Variants in MYO16 observed in about 807,000 individuals in gnomAD.
MYO16 encodes the protein myosin XVI.
In MYO16, 94 loss-of-function variants were observed where a neutral mutation model predicts 205.3. The observed-to-expected ratio is 0.46, with a 90% confidence interval of 0.39 to 0.54. The LOEUF is 0.54. Among genes scored for constraint, MYO16 ranks in the 20% least tolerant of loss-of-function variants. MYO16 has a pLI of 0.00. For missense variants in MYO16, 2,315 were observed against 2,387.5 expected (o/e 0.97, Z 0.63); for synonymous variants, 988 against 954.0 (o/e 1.04, Z -0.66).
In MYO16 at chr13:108,634,166, G is replaced by A. The variant is rs542556385; in HGVS notation, c.28+4294G>A. The stretch of plus-strand genomic sequence containing the variant: ...CAGCACTCTCCTGTACCCTCGTCTT[G>A]TTTCTACGGTAGGCACGACTGCTCA... On this transcript the variant is annotated intron_variant, in intron 1 of 34. Coordinates refer to ENST00000457511, the MANE Select transcript of MYO16 (RefSeq NM_001198950.3). 2.0e-5 allele frequency among the ~76,000 whole-genome samples: 3 copies of A among 152,234 alleles called. No individual in the cohort carries two copies. In the East Asian group the frequency reaches 5.8e-4, roughly 29 times the overall value.
chr13:108,558,114 A>G, the MYO16 span, among the ~76,000 whole-genome samples: 4 of 152,228 alleles, frequency 2.6e-5, no homozygotes, highest in Non-Finnish European at 4.4e-5. Flanking sequence ...ACAAAATTAA[A>G]TATCAATTTT....
At chr13:108,646,407 T>C (rs796466432) in intron 1 of MYO16, among the ~76,000 whole-genome samples, 5 of 152,322 alleles carry the variant, frequency 3.3e-5, no homozygotes, top group African/African-American at 9.6e-5. Context: ...GAAATTGTTG[T>C]ATTAAAGGGT....
chr13:108,608,114 A>T (rs1879029289), intron 1 of MYO16, among the ~76,000 whole-genome samples: 1 of 152,130 alleles, frequency 6.6e-6, no homozygotes, highest in Non-Finnish European at 1.5e-5. Context: ...AGTTTTGCAG[A>T]TTTCTGGAAA....
the MYO16 span, among the ~76,000 whole-genome samples, chr13:108,568,978 A>G: frequency 1.8e-3 from 269 of 151,978 alleles, no homozygotes; most frequent in Non-Finnish European, 3.1e-3. Context: ...TTGACCATAA[A>G]TGTGTTTATT....
At chr13:108,890,971 G>T (rs1237355042) in intron 14 of MYO16, among the ~76,000 whole-genome samples, 1 of 152,124 alleles carries the variant, frequency 6.6e-6, no homozygotes, top group Non-Finnish European at 1.5e-5. Context: ...CACTCCACAA[G>T]CATCTATTAA....
At chr13:108,510,355 G>A in the MYO16 span, among the ~76,000 whole-genome samples, 1 of 149,776 alleles carries the variant, frequency 6.7e-6, no homozygotes, top group Non-Finnish European at 1.5e-5. Flanking sequence ...CTGACCTTGT[G>A]ATCCATCCTC....
At chr13:108,746,530 A>G (rs895384504) in intron 4 of MYO16, among the ~76,000 whole-genome samples, 4 of 145,112 alleles carry the variant, frequency 2.8e-5, no homozygotes, top group African/African-American at 4.9e-5. Context: ...TAAGAATTAG[A>G]ATGTTTCTAG....
rs542613569 is a variant in MYO16 at position 109,092,835 on chromosome 13, G to A, written c.3336-7950G>A. Among the ~76,000 whole-genome samples the A allele has an allele frequency of 1.1e-4, 16 of 152,258 alleles. No homozygotes were observed. The South Asian group carries it at 3.3e-3, about 32-fold the overall frequency. On this transcript the variant is annotated intron_variant, in intron 27 of 34. Transcript: ENST00000457511. Reference sequence around the variant, plus strand: ...GTCAAAGTTCTGCTTTATACTGGAAGGAACAATCACTTTTGAAGAGAGAAC... The same window carrying A: ...GTCAAAGTTCTGCTTTATACTGGAAAGAACAATCACTTTTGAAGAGAGAAC...
chr13:108,805,484 T>A (rs1887085826), intron 6 of MYO16, among the ~76,000 whole-genome samples: 1 of 152,140 alleles, frequency 6.6e-6, no homozygotes, highest in Admixed American at 6.6e-5. Context: ...AAAAACACAA[T>A]GGAACAGAGC....
At chr13:109,177,499 G>T (rs1879256071) in intron 33 of MYO16, among the ~76,000 whole-genome samples, 2 of 151,938 alleles carry the variant, frequency 1.3e-5, no homozygotes, top group East Asian at 1.9e-4. Flanking sequence ...CTAATTTTAT[G>T]TATTTATTTA....
At position 108,848,650 on chromosome 13, in the gene MYO16, C is replaced by T. The variant is rs896613725; in HGVS notation, c.1248+4157C>T. On this transcript the variant is annotated intron_variant, in intron 10 of 34. Transcript: ENST00000457511. ...CCCCATCTCTACAAAATATTTAAAA[C>T]GTAGCAGGGTTTGGTGGCGCAGGGC... Among the ~76,000 whole-genome samples, 5 of 152,000 alleles carry T rather than the reference C, an allele frequency of 3.3e-5. No homozygotes were observed. The South Asian group carries it at 6.2e-4, about 19-fold the overall frequency.
intron 4 of MYO16, among the ~76,000 whole-genome samples, chr13:108,733,497 C>T (rs1346496032): frequency 6.6e-6 from 1 of 152,168 alleles, no homozygotes; most frequent in Admixed American, 6.5e-5. Context: ...AGAACTTGGA[C>T]CCCTGACCAC....
intron 27 of MYO16, among the ~76,000 whole-genome samples, chr13:109,088,263 C>T (rs1888503513): frequency 6.6e-6 from 1 of 152,196 alleles, no homozygotes. Context: ...GAAGCAAGTA[C>T]AAACCTGGCT....
chr13:108,925,248 G>A (rs544009903), intron 16 of MYO16, among the ~76,000 whole-genome samples: 2 of 152,238 alleles, frequency 1.3e-5, no homozygotes, highest in South Asian at 2.1e-4. Context: ...AAGTCATTGT[G>A]GTGTGTTTGC....
chr13:108,979,432 G>A (rs1038727588), intron 20 of MYO16, among the ~76,000 whole-genome samples: 2 of 151,998 alleles, frequency 1.3e-5, no homozygotes, highest in African/African-American at 4.8e-5. Context: ...AAAATAACAA[G>A]CAGTTTGTCA....
intron 24 of MYO16, among the ~76,000 whole-genome samples, chr13:109,047,781 A>G (rs1218635713): frequency 6.6e-6 from 1 of 152,096 alleles, no homozygotes; most frequent in Non-Finnish European, 1.5e-5. Context: ...TTTTCGTGAA[A>G]TAGTTGAATG....
At chr13:108,644,389 T>TATC (rs1263684592) in intron 1 of MYO16, among the ~76,000 whole-genome samples, 4 of 150,882 alleles carry the variant, frequency 2.7e-5, no homozygotes, top group African/African-American at 9.7e-5. Context: ...TCTATCTATC[T>TATC]ATCTATCTAT....
intron 16 of MYO16, among the ~76,000 whole-genome samples, chr13:108,941,813 G>C (rs1203796135): frequency 6.6e-6 from 1 of 151,950 alleles, no homozygotes; most frequent in African/African-American, 2.4e-5. Flanking sequence ...CAAGAGAAAT[G>C]CTCTTTCGTG....
intron 34 of MYO16, among the ~76,000 whole-genome samples, chr13:109,185,692 GC>G (rs1295361648): frequency 1.3e-5 from 2 of 152,144 alleles, no homozygotes; most frequent in Non-Finnish European, 2.9e-5. Flanking sequence ...TTACTTTAGA[GC>G]TACATTTTTG....
Sources: gnomAD v4.1 joint callset for allele counts (sites outside exome capture counted in the v4.1 genomes callset) on GRCh38, gnomAD v4.1.1 for gene constraint, MANE v1.5 for transcripts, NCBI Gene and HGNC (gene_info 2026-07-23, HGNC 2026-07-21) for gene names.